Variants in EXT1 observed in about 807,000 individuals in gnomAD.
EXT1 encodes the protein exostosin glycosyltransferase 1, also known as exostosin-1.
EXT1 carries 20 observed loss-of-function variants against 82.5 expected under a neutral mutation model. That is an observed-to-expected ratio of 0.24 (90% CI 0.17 to 0.35). EXT1 has a LOEUF of 0.35. Ranked by LOEUF, EXT1 falls within the 10% of genes least tolerant of loss-of-function variation. The pLI, the probability that EXT1 is intolerant of heterozygous loss-of-function variation, is 1.00. For synonymous variants in EXT1, 348 were observed against 350.8 expected, an observed-to-expected ratio of 0.99 and a Z score of 0.09; for missense variants, 757 against 936.5, an observed-to-expected ratio of 0.81 and a Z score of 2.50.
At chr8:117,999,538 T>A (rs1815615382) in intron 1 of EXT1, among the ~76,000 whole-genome samples, 1 of 152,220 alleles carries the variant, frequency 6.6e-6, no homozygotes, top group Non-Finnish European at 1.5e-5. Flanking sequence ...AAACATATCC[T>A]CTAATATGCT....
intron 3 of EXT1, chr8:117,831,534 A>T (rs192272914): frequency 2.3e-5 from 11 of 469,822 alleles, no homozygotes; most frequent in African/African-American, 2.2e-4. Flanking sequence ...GGTCTATTTC[A>T]TTTACGGAGT....
chr8:117,964,143 T>TC (rs916673598), intron 1 of EXT1, among the ~76,000 whole-genome samples: 2 of 152,198 alleles, frequency 1.3e-5, no homozygotes, highest in Non-Finnish European at 2.9e-5. Flanking sequence ...CTATTTCCCC[T>TC]CCATCCTTTT....
At chr8:118,027,930 A>G (rs546573371) in intron 1 of EXT1, among the ~76,000 whole-genome samples, 16 of 152,318 alleles carry the variant, frequency 1.1e-4, no homozygotes, top group African/African-American at 3.8e-4. Flanking sequence ...ATCAACACAT[A>G]TTAGTCATGC....
At chr8:117,810,927 C>T (rs1184902695) in intron 8 of EXT1, among the ~76,000 whole-genome samples, 4 of 152,188 alleles carry the variant, frequency 2.6e-5, no homozygotes, top group African/African-American at 7.2e-5. Flanking sequence ...GCAGTAGCCA[C>T]GTCCTTCCAT....
At chr8:117,844,344 G>T (rs1812320080) in intron 1 of EXT1, among the ~76,000 whole-genome samples, 1 of 151,588 alleles carries the variant, frequency 6.6e-6, no homozygotes, top group Non-Finnish European at 1.5e-5. Flanking sequence ...GTAGAGATGG[G>T]GTCTCACTTT....
At chr8:118,075,175 G>A (rs968915103) in intron 1 of EXT1, among the ~76,000 whole-genome samples, 1 of 152,202 alleles carries the variant, frequency 6.6e-6, no homozygotes, top group Non-Finnish European at 1.5e-5. Flanking sequence ...CACCTGCAAA[G>A]GAATCTTTGG....
At chr8:117,936,702 C>A (rs1192637288) in intron 1 of EXT1, among the ~76,000 whole-genome samples, 2 of 152,110 alleles carry the variant, frequency 1.3e-5, no homozygotes, top group Admixed American at 1.3e-4. Flanking sequence ...TAGTGAAACG[C>A]TGTCTCTACT....
chr8:117,897,962 G>T (rs1346941188), intron 1 of EXT1, among the ~76,000 whole-genome samples: 1 of 152,056 alleles, frequency 6.6e-6, no homozygotes, highest in African/African-American at 2.4e-5. Context: ...CACCTCATAG[G>T]TAAGAATATT....
chr8:117,903,261 G>T (rs532450852), intron 1 of EXT1, among the ~76,000 whole-genome samples: 5 of 152,154 alleles, frequency 3.3e-5, no homozygotes, highest in Non-Finnish European at 7.3e-5. Context: ...AACCCCCAAT[G>T]CCTTTGAAGA....
At chr8:118,067,582 C>T (rs566637150) in intron 1 of EXT1, among the ~76,000 whole-genome samples, 14 of 152,306 alleles carry the variant, frequency 9.2e-5, no homozygotes, top group East Asian at 7.7e-4. Context: ...ATCACACCAA[C>T]GTGAAGCGGT....
At chr8:117,867,243 A>T (rs980159802) in intron 1 of EXT1, among the ~76,000 whole-genome samples, 8 of 124,910 alleles carry the variant, frequency 6.4e-5, no homozygotes, top group Non-Finnish European at 6.7e-5. Context: ...TGGGCGACAG[A>T]GTGAGACTCC....
chr8:117,957,383 T>C (rs1211386672), intron 1 of EXT1, among the ~76,000 whole-genome samples: 1 of 152,218 alleles, frequency 6.6e-6, no homozygotes, highest in Non-Finnish European at 1.5e-5. Context: ...TGCTGGGGCC[T>C]CTAATAAGCA....
chr8:118,011,153 G>A (rs1297658903), intron 1 of EXT1, among the ~76,000 whole-genome samples: 1 of 152,194 alleles, frequency 6.6e-6, no homozygotes, highest in Non-Finnish European at 1.5e-5. Flanking sequence ...CCTCCTCAAA[G>A]AGGCCCTCAC....
At chr8:118,002,381 C>CAAAAAAAAA in intron 1 of EXT1, among the ~76,000 whole-genome samples, 1 of 61,034 alleles carries the variant, frequency 1.6e-5, no homozygotes, top group Non-Finnish European at 3.3e-5. Flanking sequence ...ACTCCGTCTC[C>CAAAAAAAAA]AAAAAAAAAA....
chr8:118,098,827 C>T (rs952050627), intron 1 of EXT1, among the ~76,000 whole-genome samples: 1 of 151,308 alleles, frequency 6.6e-6, no homozygotes, highest in Non-Finnish European at 1.5e-5. Context: ...CTTACCATTT[C>T]ACCTAGGTTT....
At chr8:118,075,457 A>G (rs1033552567) in intron 1 of EXT1, among the ~76,000 whole-genome samples, 1 of 152,202 alleles carries the variant, frequency 6.6e-6, no homozygotes, top group Non-Finnish European at 1.5e-5. Context: ...CACCCTACAC[A>G]GTGTTTCTAA....
intron 1 of EXT1, among the ~76,000 whole-genome samples, chr8:117,969,630 C>A (rs190732849): frequency 1.3e-5 from 2 of 152,134 alleles, no homozygotes; most frequent in African/African-American, 4.8e-5. Flanking sequence ...TGCATGTTTG[C>A]GAGTCCCCTC....
At chr8:118,078,618 C>T (rs1817253353) in intron 1 of EXT1, among the ~76,000 whole-genome samples, 1 of 150,650 alleles carries the variant, frequency 6.6e-6, no homozygotes, top group African/African-American at 2.4e-5. Context: ...ATCATAAATA[C>T]ATACGTCATC....
intron 1 of EXT1, among the ~76,000 whole-genome samples, chr8:117,856,268 G>A (rs201246738): frequency 1.5e-5 from 2 of 129,764 alleles, no homozygotes; most frequent in Admixed American, 7.7e-5. Context: ...TTTTTTTTTT[G>A]TGGGGGGACG....
Sources: allele counts gnomAD v4.1 joint callset (sites outside exome capture counted in the v4.1 genomes callset), GRCh38; gene constraint gnomAD v4.1.1; transcripts MANE v1.5; gene names NCBI Gene and HGNC (gene_info 2026-07-23, HGNC 2026-07-21).